KCNT2: variants seen among roughly 807,000 people sequenced by gnomAD.
KCNT2 encodes the protein potassium sodium-activated channel subfamily T member 2.
KCNT2 carries 67 observed loss-of-function variants against 153.8 expected under a neutral mutation model. The ratio of observed to expected loss-of-function variants is 0.44; its 90% CI spans 0.36 to 0.53. The LOEUF (loss-of-function observed/expected upper bound fraction) is 0.53, where lower values mean the gene tolerates loss of function less well. Among genes scored for constraint, KCNT2 ranks in the 20% least tolerant of loss-of-function variants. KCNT2 has a pLI of 0.00. For missense variants in KCNT2, 975 were observed against 1,354.8 expected (o/e 0.72, Z 4.40); for synonymous variants, 500 against 458.8 (o/e 1.09, Z -1.15).
intron 1 of KCNT2, among the ~76,000 whole-genome samples, chr1:196,555,152 G>A (rs2148907008): frequency 6.6e-6 from 1 of 151,322 alleles, no homozygotes. Flanking sequence ...AATCAGAAAG[G>A]AGAAAGAAAT....
At chr1:196,230,028 A>G (rs1653811781) in intron 27 of KCNT2, among the ~76,000 whole-genome samples, 1 of 152,064 alleles carries the variant, frequency 6.6e-6, no homozygotes, top group Admixed American at 6.6e-5. Context: ...AAATCAAACT[A>G]TTAATAAGAT....
At chr1:196,537,156 C>T (rs1314852184) in intron 1 of KCNT2, among the ~76,000 whole-genome samples, 1 of 152,140 alleles carries the variant, frequency 6.6e-6, no homozygotes, top group Non-Finnish European at 1.5e-5. Flanking sequence ...GTCTCAGCCT[C>T]ATCATCTTAA....
At chr1:196,272,882 A>G (rs529999051) in intron 25 of KCNT2, among the ~76,000 whole-genome samples, 3 of 151,826 alleles carry the variant, frequency 2.0e-5, no homozygotes, top group Non-Finnish European at 4.4e-5. Flanking sequence ...TATAAAGTGA[A>G]TAAGTTCTGG....
At chr1:196,384,420 A>G (rs929107778) in intron 13 of KCNT2, among the ~76,000 whole-genome samples, 1 of 152,138 alleles carries the variant, frequency 6.6e-6, no homozygotes, top group Non-Finnish European at 1.5e-5. Context: ...ATTGTCACAT[A>G]TAATCTCACG....
chr1:196,500,419 AT>A (rs1325668972), intron 1 of KCNT2, among the ~76,000 whole-genome samples: 1 of 152,136 alleles, frequency 6.6e-6, no homozygotes, highest in African/African-American at 2.4e-5. Context: ...TGGTCTTTCT[AT>A]TCTTTTTCTT....
chr1:196,502,820 A>G (rs1680808930), intron 1 of KCNT2, among the ~76,000 whole-genome samples: 2 of 152,194 alleles, frequency 1.3e-5, no homozygotes. Flanking sequence ...TTTATTTAAA[A>G]TAATTAAATC....
intron 1 of KCNT2, 82 bp downstream of exon 1, chr1:196,608,133 C>T: frequency 7.9e-7 from 1 of 1,267,408 alleles, no homozygotes; most frequent in Non-Finnish European, 1.2e-6. Context: ...TCCTTTTCTC[C>T]CTCCTTTCCC....
chr1:196,270,502 T>G (rs16839700), intron 25 of KCNT2, among the ~76,000 whole-genome samples: 5 of 152,074 alleles, frequency 3.3e-5, no homozygotes, highest in Non-Finnish European at 7.4e-5. Flanking sequence ...AGCTGAATCA[T>G]GTTAGACTCT....
intron 8 of KCNT2, among the ~76,000 whole-genome samples, chr1:196,430,986 C>G (rs1380319601): frequency 2.0e-5 from 3 of 152,066 alleles, no homozygotes; most frequent in Non-Finnish European, 4.4e-5. Flanking sequence ...GTGATTAAAT[C>G]TGGAGCTCTC....
chr1:196,546,090 G>C (rs951067009), intron 1 of KCNT2, among the ~76,000 whole-genome samples: 6 of 151,986 alleles, frequency 3.9e-5, no homozygotes, highest in Non-Finnish European at 8.8e-5. Flanking sequence ...AGAATTGCCA[G>C]ATCACTTTCC....
intron 14 of KCNT2, among the ~76,000 whole-genome samples, chr1:196,359,422 T>C (rs553278538): frequency 1.3e-5 from 2 of 152,118 alleles, no homozygotes; most frequent in South Asian, 4.1e-4. Context: ...TGGAGTCTCA[T>C]GAGAGAGAGC....
chr1:196,283,840 T>C (rs1053264677), intron 23 of KCNT2, among the ~76,000 whole-genome samples: 3 of 152,106 alleles, frequency 2.0e-5, no homozygotes, highest in African/African-American at 7.2e-5. Context: ...AGGGTAAGTG[T>C]TGTTAATATT....
At chr1:196,586,455 T>C (rs1278486686) in intron 1 of KCNT2, among the ~76,000 whole-genome samples, 1 of 152,118 alleles carries the variant, frequency 6.6e-6, no homozygotes, top group Non-Finnish European at 1.5e-5. Flanking sequence ...GGGGAAAATT[T>C]GTTTGACACT....
At chr1:196,483,464 G>C (rs1254746868) in intron 3 of KCNT2, among the ~76,000 whole-genome samples, 2 of 152,112 alleles carry the variant, frequency 1.3e-5, no homozygotes, top group African/African-American at 4.8e-5. Context: ...ATGCGTTTTA[G>C]ATCACATTAC....
intron 1 of KCNT2, among the ~76,000 whole-genome samples, chr1:196,519,043 T>TA (rs1312616569): frequency 1.3e-5 from 2 of 151,972 alleles, no homozygotes; most frequent in Non-Finnish European, 2.9e-5. Context: ...CAATCCAACA[T>TA]AAAAAAATCC....
At chr1:196,514,145 C>A (rs1681864955) in intron 1 of KCNT2, among the ~76,000 whole-genome samples, 1 of 152,126 alleles carries the variant, frequency 6.6e-6, no homozygotes, top group Non-Finnish European at 1.5e-5. Context: ...GGAATTATTT[C>A]TATTTTGTTC....
chr1:196,319,916 C>A lies in KCNT2; in HGVS notation c.2277-361G>T, dbSNP rs971978346. Among the ~76,000 whole-genome samples, 8 of 151,628 alleles carry A rather than the reference C, an allele frequency of 5.3e-5. No individual in the cohort carries two copies. The Admixed American group carries it at 5.3e-4, about 10-fold the overall frequency. On this transcript the variant is annotated intron_variant, in intron 19 of 27. Coordinates refer to ENST00000294725, the MANE Select transcript of KCNT2 (RefSeq NM_198503.5). ...GCCTTGTAAAATAAAAAAACTAATG[C>A]ATTTTTTTAGATGATCTAAAGCAAT...
chr1:196,235,013 C>T (rs557283255), intron 27 of KCNT2, among the ~76,000 whole-genome samples: 89 of 151,552 alleles, frequency 5.9e-4, no homozygotes, highest in Admixed American at 2.6e-3. Flanking sequence ...AGTGCCTTTT[C>T]TAAAGTCTTG....
intron 1 of KCNT2, among the ~76,000 whole-genome samples, chr1:196,599,185 C>T (rs1240070105): frequency 2.6e-5 from 4 of 152,214 alleles, no homozygotes; most frequent in Non-Finnish European, 5.9e-5. Flanking sequence ...AGACAGCAGG[C>T]TGTCCATTAT....
Sources: allele counts gnomAD v4.1 joint callset (sites outside exome capture counted in the v4.1 genomes callset), GRCh38; gene constraint gnomAD v4.1.1; transcripts MANE v1.5; gene names NCBI Gene and HGNC (gene_info 2026-07-23, HGNC 2026-07-21).